The following PKNOX2 variants were observed in gnomAD, a reference collection of about 807,000 sequenced individuals.
The protein encoded by PKNOX2 is PBX/knotted 1 homeobox 2, also known as homeobox protein PKNOX2.
In PKNOX2, 14 loss-of-function variants were observed where a neutral mutation model predicts 53.1. The observed-to-expected ratio is 0.26, with a 90% CI of 0.17 to 0.41. PKNOX2 has a LOEUF of 0.41. Ranked by LOEUF, PKNOX2 falls within the 10% of genes least tolerant of loss-of-function variation. PKNOX2 has a pLI of 1.00. For synonymous variants in PKNOX2, 257 were observed against 242.8 expected (o/e 1.06, Z -0.54); for missense variants, 496 against 602.8 (o/e 0.82, Z 1.85).
chr11:125,334,625 G>T (rs1357891143), intron 3 of PKNOX2, among the ~76,000 whole-genome samples: 1 of 150,686 alleles, frequency 6.6e-6, no homozygotes, highest in Non-Finnish European at 1.5e-5. Flanking sequence ...TTGAGACAGG[G>T]TCTCACTCTG....
chr11:125,179,867 T>C (rs1017089251), intron 1 of PKNOX2, among the ~76,000 whole-genome samples: 5 of 152,132 alleles, frequency 3.3e-5, no homozygotes, highest in Admixed American at 3.3e-4. Context: ...ACAAATGCAT[T>C]AGGTATTTTG....
At chr11:125,271,625 C>G (rs1273276185) in intron 2 of PKNOX2, among the ~76,000 whole-genome samples, 2 of 152,154 alleles carry the variant, frequency 1.3e-5, no homozygotes, top group East Asian at 3.9e-4. Flanking sequence ...CCAGAAGACA[C>G]TGATTTCAGT....
intron 10 of PKNOX2, among the ~76,000 whole-genome samples, chr11:125,426,817 A>G (rs1372684351): frequency 6.6e-6 from 1 of 152,166 alleles, no homozygotes; most frequent in Non-Finnish European, 1.5e-5. Context: ...TGGGGGACAC[A>G]TGTCTTGCCA....
intron 2 of PKNOX2, among the ~76,000 whole-genome samples, chr11:125,292,963 G>A (rs191252525): frequency 1.7e-3 from 258 of 152,270 alleles, no homozygotes; most frequent in Middle Eastern, 6.8e-3. Context: ...GGGGAGCGTC[G>A]CAGGCAGCCT....
At chr11:125,196,928 G>A (rs1937766831) in intron 1 of PKNOX2, among the ~76,000 whole-genome samples, 1 of 152,210 alleles carries the variant, frequency 6.6e-6, no homozygotes, top group African/African-American at 2.4e-5. Context: ...ATGCGGGTAT[G>A]AAGAAGGTAC....
At chr11:125,174,999 A>G (rs1955599886) in intron 1 of PKNOX2, among the ~76,000 whole-genome samples, 1 of 152,162 alleles carries the variant, frequency 6.6e-6, no homozygotes, top group African/African-American at 2.4e-5. Flanking sequence ...CCTTCCCTGA[A>G]GCCTGTTTCC....
intron 1 of PKNOX2, among the ~76,000 whole-genome samples, chr11:125,180,467 T>C (rs1440688211): frequency 2.0e-5 from 3 of 152,224 alleles, no homozygotes; most frequent in Admixed American, 6.5e-5. Flanking sequence ...TACTCTGAAA[T>C]TGACTCATGG....
intron 2 of PKNOX2, among the ~76,000 whole-genome samples, chr11:125,272,401 G>A (rs569809140): frequency 1.3e-5 from 2 of 152,348 alleles, no homozygotes; most frequent in East Asian, 3.9e-4. Context: ...TCAACCCTGA[G>A]ATGAATGCTC....
intron 10 of PKNOX2, among the ~76,000 whole-genome samples, chr11:125,413,211 C>G (rs1167526899): frequency 5.3e-5 from 8 of 152,182 alleles, no homozygotes; most frequent in Admixed American, 5.2e-4. Flanking sequence ...GGCTGGAATG[C>G]TGGAGTTAAG....
At chr11:125,283,166 T>TAATAAAATAA (rs140414026) in intron 2 of PKNOX2, among the ~76,000 whole-genome samples, 2 of 150,990 alleles carry the variant, frequency 1.3e-5, no homozygotes, top group Admixed American at 6.6e-5. Flanking sequence ...AATATATAAA[T>TAATAAAATAA]AATAAAATAA....
intron 2 of PKNOX2, among the ~76,000 whole-genome samples, chr11:125,291,371 T>C (rs1179869320): frequency 1.3e-5 from 2 of 152,102 alleles, no homozygotes; most frequent in African/African-American, 4.8e-5. Flanking sequence ...TTCTTTCCAG[T>C]CCAGGCTGGG....
At chr11:125,209,385 G>C (rs1394041580) in intron 1 of PKNOX2, among the ~76,000 whole-genome samples, 7 of 151,978 alleles carry the variant, frequency 4.6e-5, no homozygotes, top group Non-Finnish European at 1.0e-4. Flanking sequence ...GAGGTTGAAG[G>C]TACACACACA....
chr11:125,337,157 A>G (rs774991574), intron 3 of PKNOX2, among the ~76,000 whole-genome samples: 16 of 152,192 alleles, frequency 1.1e-4, no homozygotes, highest in Non-Finnish European at 1.6e-4. Flanking sequence ...TAAAAGCATT[A>G]AAACCACTGT....
At chr11:125,266,441 A>C (rs1175948555) in intron 2 of PKNOX2, among the ~76,000 whole-genome samples, 4 of 152,148 alleles carry the variant, frequency 2.6e-5, no homozygotes, top group Non-Finnish European at 5.9e-5. Flanking sequence ...CACTAGTAAA[A>C]TGCCTGCGAG....
rs117189409 is a variant in PKNOX2, at chr11:125,348,244, C to T, written c.-22-3040C>T. On this transcript the variant is annotated intron_variant, in intron 3 of 12. Transcript: ENST00000298282. ...GCCCCTCAGGAACCGGGGAAGTGCACGTGTGGGTGGAGAGGTGTGAGGAAA... is the reference window on the plus strand; with the variant it reads ...GCCCCTCAGGAACCGGGGAAGTGCATGTGTGGGTGGAGAGGTGTGAGGAAA... Among the ~76,000 whole-genome samples the T allele has an allele frequency of 2.8e-3, 421 of 152,278 alleles. 3 individuals are homozygous for T. The East Asian group carries it at 0.028, about 10-fold the overall frequency.
chr11:125,356,383 T>C (rs193236408), intron 4 of PKNOX2, among the ~76,000 whole-genome samples: 60 of 152,332 alleles, frequency 3.9e-4, no homozygotes, highest in Admixed American at 5.9e-4. Flanking sequence ...TCACCAAGGA[T>C]GCAGCCTCAT....
At chr11:125,319,447 G>T (rs1248360998) in intron 2 of PKNOX2, among the ~76,000 whole-genome samples, 3 of 152,192 alleles carry the variant, frequency 2.0e-5, no homozygotes, top group African/African-American at 7.2e-5. Context: ...GTGTTGCCAT[G>T]AACCTTCAAT....
At chr11:125,387,744 T>C (rs1565513335) in intron 6 of PKNOX2, among the ~76,000 whole-genome samples, 1 of 152,150 alleles carries the variant, frequency 6.6e-6, no homozygotes, top group East Asian at 1.9e-4. Flanking sequence ...GGAGCAATCC[T>C]TGGACATTCC....
chr11:125,361,672 A>G (rs1951934808), intron 4 of PKNOX2, among the ~76,000 whole-genome samples: 1 of 152,206 alleles, frequency 6.6e-6, no homozygotes, highest in South Asian at 2.1e-4. Context: ...TTAACTCATC[A>G]TTTACATTAC....
Sources: gnomAD v4.1 joint callset for allele counts (sites outside exome capture counted in the v4.1 genomes callset) on GRCh38, gnomAD v4.1.1 for gene constraint, MANE v1.5 for transcripts, NCBI Gene and HGNC (gene_info 2026-07-23, HGNC 2026-07-21) for gene names.